TECPR2: variants seen among roughly 807,000 people sequenced by gnomAD.
TECPR2 encodes tectonin beta-propeller repeat-containing protein 2.
TECPR2 carries 65 observed loss-of-function variants against 138.1 expected under a neutral mutation model. The ratio of observed to expected loss-of-function variants is 0.47; its 90% CI spans 0.39 to 0.58. TECPR2 has a LOEUF of 0.58. TECPR2 is among the 20% of genes least tolerant of loss of function. The pLI is 0.00. For synonymous variants in TECPR2, 746 were observed against 749.8 expected, an observed-to-expected ratio of 0.99 and a Z score of 0.08; for missense variants, 1,553 against 1,824.5, an observed-to-expected ratio of 0.85 and a Z score of 2.71.
intron 4 of TECPR2, 59 bp downstream of exon 4, chr14:102,408,678 A>G: frequency 5.3e-6 from 8 of 1,499,582 alleles, no homozygotes; most frequent in Non-Finnish European, 7.2e-6. Context: ...GAAAAACTAT[A>G]TTTATAACTT....
At chr14:102,445,409 G>A (rs1410108468) in intron 12 of TECPR2, among the ~76,000 whole-genome samples, 1 of 150,458 alleles carries the variant, frequency 6.6e-6, no homozygotes, top group Non-Finnish European at 1.5e-5. Context: ...GGCACTCAGG[G>A]GCCTTGGATT....
At chr14:102,470,754 C>T (rs189950913) in intron 17 of TECPR2, among the ~76,000 whole-genome samples, 83 of 151,792 alleles carry the variant, frequency 5.5e-4, no homozygotes, top group Non-Finnish European at 1.1e-3. Flanking sequence ...ATTCTCCTGC[C>T]TCAGCCTCCC....
chr14:102,397,896 G>A (rs946932448), intron 2 of TECPR2, among the ~76,000 whole-genome samples: 7 of 151,626 alleles, frequency 4.6e-5, no homozygotes, highest in South Asian at 2.1e-4. Flanking sequence ...GTTGAAACCC[G>A]GGTCATCGCT....
chr14:102,484,373 G>T (rs187320801), intron 17 of TECPR2, among the ~76,000 whole-genome samples: 231 of 151,908 alleles, frequency 1.5e-3, no homozygotes, highest in African/African-American at 5.4e-3. Context: ...CAAGTTGTGT[G>T]TTTTCTGTCT....
At chr14:102,436,833 G>A (rs1422076412) in intron 9 of TECPR2, among the ~76,000 whole-genome samples, 2 of 152,214 alleles carry the variant, frequency 1.3e-5, no homozygotes, top group Non-Finnish European at 2.9e-5. Flanking sequence ...TGAGGGTACT[G>A]AGCAAAGTAC....
chr14:102,497,441 G>C, intron 18 of TECPR2, 129 bp from the exon 19 acceptor site: 1 of 1,281,082 alleles, frequency 7.8e-7, no homozygotes, highest in Non-Finnish European at 1.0e-6. Flanking sequence ...CCCAAGCCCA[G>C]CCCATCATGG....
chr14:102,439,019 GC>G (rs1226780372), intron 10 of TECPR2, among the ~76,000 whole-genome samples: 1 of 151,812 alleles, frequency 6.6e-6, no homozygotes, highest in African/African-American at 2.4e-5. Context: ...CCGCCACCAC[GC>G]CCAGCTAATT....
rs369285326 is a variant in TECPR2 at position 102,423,467 on chromosome 14, C to CTAT, written c.639-1492_639-1490dup. 1.9e-3 allele frequency among the ~76,000 whole-genome samples: 283 copies of CTAT among 149,388 alleles called. 1 individual carries two copies. The highest frequency in any genetic ancestry group is 7.0e-3 in the Middle Eastern group (2 of 286). ...AAAAAAAAAGAGGTTTTTTTTGTGA[C>CTAT]TATTATTATTATTATTATTATTTTT... On this transcript the variant is annotated intron_variant, in intron 5 of 19. Transcript: ENST00000359520.
intron 8 of TECPR2, among the ~76,000 whole-genome samples, chr14:102,432,679 C>G (rs1426939868): frequency 2.0e-5 from 3 of 151,674 alleles, no homozygotes; most frequent in Admixed American, 2.0e-4. Context: ...ACAGCGTGAG[C>G]CACCGCGCCT....
intron 4 of TECPR2, 76 bp from the exon 5 acceptor site, chr14:102,414,560 A>G (rs1416975516): frequency 1.3e-6 from 2 of 1,561,202 alleles, no homozygotes; most frequent in Non-Finnish European, 1.7e-6. Flanking sequence ...AGCGGGAAGG[A>G]CACTGACTTG....
intron 17 of TECPR2, among the ~76,000 whole-genome samples, chr14:102,495,803 T>C (rs1197505274): frequency 6.6e-6 from 1 of 152,160 alleles, no homozygotes; most frequent in Non-Finnish European, 1.5e-5. Context: ...AGGCATTTCA[T>C]ACATGCGTTC....
intron 17 of TECPR2, among the ~76,000 whole-genome samples, chr14:102,475,760 G>A (rs1167624102): frequency 2.0e-5 from 3 of 152,062 alleles, no homozygotes; most frequent in Non-Finnish European, 4.4e-5. Flanking sequence ...AATACGACCT[G>A]CAATGAAAGG....
chr14:102,448,756 A>G (rs1231252687), intron 13 of TECPR2, among the ~76,000 whole-genome samples: 2 of 151,886 alleles, frequency 1.3e-5, no homozygotes, highest in East Asian at 3.9e-4. Flanking sequence ...AGTCCCAGCT[A>G]CTCGGGAGGC....
intron 17 of TECPR2, among the ~76,000 whole-genome samples, chr14:102,480,844 T>TG (rs1890877550): frequency 2.5e-5 from 3 of 118,332 alleles, no homozygotes; most frequent in African/African-American, 1.1e-4. Flanking sequence ...GTTTTGGGTT[T>TG]TTTTTTTTTT....
chr14:102,494,560 C>T (rs1043533356), intron 17 of TECPR2, among the ~76,000 whole-genome samples: 1 of 151,728 alleles, frequency 6.6e-6, no homozygotes. Flanking sequence ...GGTGCGGTGG[C>T]TCACGCCTGT....
intron 4 of TECPR2, among the ~76,000 whole-genome samples, chr14:102,411,469 T>C (rs753656103): frequency 6.6e-5 from 10 of 152,270 alleles, no homozygotes; most frequent in South Asian, 4.2e-4. Flanking sequence ...CTTTAAGTGA[T>C]GACATTACCT....
intron 16 of TECPR2, among the ~76,000 whole-genome samples, chr14:102,452,970 CCTGAAAAG>C (rs937720934): frequency 2.6e-5 from 4 of 152,146 alleles, no homozygotes; most frequent in African/African-American, 9.7e-5. Flanking sequence ...AGCTTTATGA[CCTGAAAAG>C]CTGAAAAGAT....
chr14:102,472,370 T>TAA (rs1248187580), intron 17 of TECPR2, among the ~76,000 whole-genome samples: 2 of 152,196 alleles, frequency 1.3e-5, no homozygotes, highest in African/African-American at 4.8e-5. Flanking sequence ...GAGCTTTGCT[T>TAA]AAAGTGCTCT....
intron 16 of TECPR2, among the ~76,000 whole-genome samples, chr14:102,457,869 C>CATTTTTT (rs1890311719): frequency 2.9e-5 from 3 of 102,772 alleles, no homozygotes; most frequent in Admixed American, 2.2e-4. Context: ...ACTAAATTCC[C>CATTTTTT]TTTTTTTTTT....
Sources: gnomAD v4.1 joint callset for allele counts (sites outside exome capture counted in the v4.1 genomes callset) on GRCh38, gnomAD v4.1.1 for gene constraint, MANE v1.5 for transcripts, NCBI Gene and HGNC (gene_info 2026-07-23, HGNC 2026-07-21) for gene names.